CHSY3: variants seen among roughly 807,000 people sequenced by gnomAD.
The protein encoded by CHSY3 is chondroitin sulfate synthase 3.
Under a neutral mutation model 67.2 loss-of-function variants are expected in CHSY3, and 35 were observed. That is an observed-to-expected ratio of 0.52 (90% CI 0.40 to 0.69). The LOEUF is 0.69. Ranked by LOEUF, CHSY3 falls within the 30% of genes least tolerant of loss-of-function variation. The pLI, the probability that CHSY3 is intolerant of heterozygous loss-of-function variation, is 0.00. For synonymous variants in CHSY3, 474 were observed against 434.7 expected (o/e 1.09, Z -1.12); for missense variants, 1,069 against 1,138.5 (o/e 0.94, Z 0.88).
At chr5:129,990,377 AGTGT>A (rs34958818) in intron 2 of CHSY3, among the ~76,000 whole-genome samples, 40 of 147,572 alleles carry the variant, frequency 2.7e-4, no homozygotes, top group Admixed American at 6.1e-4. Context: ...TGAGTGAGTG[AGTGT>A]GTGTGTGTGT....
At chr5:130,099,302 G>T (rs1464681117) in intron 2 of CHSY3, among the ~76,000 whole-genome samples, 1 of 152,172 alleles carries the variant, frequency 6.6e-6, no homozygotes, top group Admixed American at 6.5e-5. Context: ...TATTTGGAAG[G>T]CAATGCTTTC....
chr5:130,152,183 A>T (rs1467270490), intron 2 of CHSY3, among the ~76,000 whole-genome samples: 1 of 152,206 alleles, frequency 6.6e-6, no homozygotes, highest in Non-Finnish European at 1.5e-5. Context: ...TTTAAAAGCC[A>T]CTGTTCCAGC....
At chr5:129,998,891 G>T (rs1481607371) in intron 2 of CHSY3, among the ~76,000 whole-genome samples, 1 of 151,830 alleles carries the variant, frequency 6.6e-6, no homozygotes, top group East Asian at 1.9e-4. Flanking sequence ...ACTTTACCAT[G>T]TTTTTTATGC....
intron 2 of CHSY3, among the ~76,000 whole-genome samples, chr5:129,916,824 C>A (rs895318285): frequency 1.4e-4 from 21 of 152,092 alleles, no homozygotes; most frequent in Non-Finnish European, 3.1e-4. Flanking sequence ...CTACTGATCT[C>A]TTGGTTTCAA....
chr5:130,038,190 G>A (rs1764912373), intron 2 of CHSY3, among the ~76,000 whole-genome samples: 1 of 152,026 alleles, frequency 6.6e-6, no homozygotes, highest in Non-Finnish European at 1.5e-5. Context: ...TAGGAAAAGG[G>A]CAGAATATTA....
chr5:129,959,755 A>T (rs1762278254), intron 2 of CHSY3, among the ~76,000 whole-genome samples: 1 of 152,016 alleles, frequency 6.6e-6, no homozygotes, highest in East Asian at 1.9e-4. Context: ...TAAATTTGAA[A>T]TTTTTTTCCG....
intron 2 of CHSY3, among the ~76,000 whole-genome samples, chr5:130,128,229 G>GGTGTGTGGTGT (rs1768357620): frequency 6.8e-6 from 1 of 147,368 alleles, no homozygotes; most frequent in African/African-American, 2.5e-5. Context: ...AAGAAAATGT[G>GGTGTGTGGTGT]GTGTGTGTGT....
At chr5:130,160,891 A>ATTTT (rs1171885849) in intron 2 of CHSY3, among the ~76,000 whole-genome samples, 16 of 138,250 alleles carry the variant, frequency 1.2e-4, no homozygotes, top group African/African-American at 3.6e-4. Flanking sequence ...TTATTTATTT[A>ATTTT]TTTATTTTTT....
At chr5:129,949,796 G>A (rs927051828) in intron 2 of CHSY3, among the ~76,000 whole-genome samples, 1 of 152,120 alleles carries the variant, frequency 6.6e-6, no homozygotes, top group African/African-American at 2.4e-5. Context: ...GAGATAACAA[G>A]GGTGGTTCAA....
At chr5:130,178,814 A>G (rs1394654458) in intron 2 of CHSY3, among the ~76,000 whole-genome samples, 2 of 152,192 alleles carry the variant, frequency 1.3e-5, no homozygotes, top group Non-Finnish European at 2.9e-5. Flanking sequence ...TGTTAACATT[A>G]CTTTTTTGCT....
At chr5:130,032,537 TGAGA>T (rs1002392820) in intron 2 of CHSY3, among the ~76,000 whole-genome samples, 2 of 152,074 alleles carry the variant, frequency 1.3e-5, no homozygotes, top group African/African-American at 4.8e-5. Flanking sequence ...CTAAGCCTAG[TGAGA>T]GAGTCTTCAA....
chr5:129,982,700 GTTAAT>G (rs1213729951), intron 2 of CHSY3, among the ~76,000 whole-genome samples: 5 of 151,882 alleles, frequency 3.3e-5, no homozygotes, highest in Non-Finnish European at 4.4e-5. Context: ...TAAAATTTAT[GTTAAT>G]TTAATTAAAG....
chr5:130,132,576 G>A (rs1481233108), intron 2 of CHSY3, among the ~76,000 whole-genome samples: 2 of 152,108 alleles, frequency 1.3e-5, no homozygotes, highest in African/African-American at 2.4e-5. Flanking sequence ...TAGACCTTCT[G>A]CTTTCTAACA....
intron 2 of CHSY3, among the ~76,000 whole-genome samples, chr5:130,170,400 G>C (rs951403093): frequency 2.6e-5 from 4 of 152,050 alleles, no homozygotes; most frequent in African/African-American, 9.7e-5. Flanking sequence ...TGGACACTTA[G>C]GTTGATTCCA....
At chr5:130,057,305 G>T (rs1765566994) in intron 2 of CHSY3, among the ~76,000 whole-genome samples, 1 of 151,982 alleles carries the variant, frequency 6.6e-6, no homozygotes, top group South Asian at 2.1e-4. Context: ...AAGTGAAATT[G>T]TTTCTGAAGC....
chr5:130,138,591 A>T (rs2149717780), intron 2 of CHSY3, among the ~76,000 whole-genome samples: 1 of 152,356 alleles, frequency 6.6e-6, no homozygotes, highest in East Asian at 1.9e-4. Flanking sequence ...CTGAATTTTT[A>T]GCCTAGAATA....
At position 130,060,982 on chromosome 5, in the gene CHSY3, G is replaced by A. The variant is rs80332121; in HGVS notation, c.1087-123247G>A. 4.1e-4 allele frequency among the ~76,000 whole-genome samples: 62 copies of A among 152,142 alleles called. No homozygotes were observed. The East Asian group carries it at 9.7e-3, about 24-fold the overall frequency. On this transcript the variant is annotated intron_variant, in intron 2 of 2. Coordinates refer to ENST00000305031, the MANE Select transcript of CHSY3 (RefSeq NM_175856.5). ...ATGAATCAATATCGTCAAAATGACC[G>A]TACTGCCTAAAGCAATCTATAGACT...
At chr5:129,993,694 C>G (rs930361196) in intron 2 of CHSY3, among the ~76,000 whole-genome samples, 1 of 152,106 alleles carries the variant, frequency 6.6e-6, no homozygotes, top group Non-Finnish European at 1.5e-5. Context: ...TTAATTGGAG[C>G]ATTTAGCCCA....
chr5:130,170,517 G>A (rs1769868979), intron 2 of CHSY3, among the ~76,000 whole-genome samples: 1 of 151,934 alleles, frequency 6.6e-6, no homozygotes, highest in Admixed American at 6.6e-5. Flanking sequence ...AGGATTGCTG[G>A]GTATAATGGT....
Sources: gnomAD v4.1 joint callset for allele counts (sites outside exome capture counted in the v4.1 genomes callset) on GRCh38, gnomAD v4.1.1 for gene constraint, MANE v1.5 for transcripts, NCBI Gene and HGNC (gene_info 2026-07-23, HGNC 2026-07-21) for gene names.